The following BCOR variants were observed in gnomAD, a reference collection of about 807,000 sequenced individuals.
BCOR encodes the protein BCL-6 corepressor.
A neutral mutation model predicts 86.7 loss-of-function variants in BCOR; 10 were observed. That is an observed-to-expected ratio of 0.12 (90% CI 0.07 to 0.20). The LOEUF is 0.20. BCOR is among the 10% of genes least tolerant of loss of function. The pLI is 1.00. For synonymous variants in BCOR, 611 were observed against 609.0 expected (o/e 1.00, Z -0.05); for missense variants, 1,259 against 1,452.1 (o/e 0.87, Z 2.16).
chrX:40,104,412 C>T (rs991409648), intron 1 of BCOR, among the ~76,000 whole-genome samples: 1 of 112,183 alleles, frequency 8.9e-6, no homozygotes, highest in African/African-American at 3.2e-5. Context: ...TTTTAGAAAT[C>T]CTTCTTTCCG....
chrX:40,166,432 T>C, intron 1 of BCOR, among the ~76,000 whole-genome samples: 1 of 112,251 alleles, frequency 8.9e-6, no homozygotes, highest in Non-Finnish European at 1.9e-5. Flanking sequence ...TGTCCTTCCT[T>C]AAGACAGACA....
chrX:40,139,593 C>T (rs2147951419), intron 1 of BCOR, among the ~76,000 whole-genome samples: 1 of 91,434 alleles, frequency 1.1e-5, no homozygotes, highest in South Asian at 5.6e-4. Context: ...GGGTGGATCA[C>T]GAGGTCAGGA....
chrX:40,132,019 A>G (rs921183701), intron 1 of BCOR, among the ~76,000 whole-genome samples: 2 of 112,052 alleles, frequency 1.8e-5, no homozygotes, highest in African/African-American at 6.5e-5. Flanking sequence ...CAAAGGCAGA[A>G]GAAGCCATGC....
intron 1 of BCOR, among the ~76,000 whole-genome samples, chrX:40,133,453 CT>C (rs757749262): frequency 0.11 from 9,494 of 85,450 alleles, 445 homozygotes; most frequent in African/African-American, 0.14. Flanking sequence ...TCAATTTCAA[CT>C]TTTTTTTTTT....
intron 1 of BCOR, among the ~76,000 whole-genome samples, chrX:40,122,803 G>A (rs1937506289): frequency 9.0e-6 from 1 of 111,598 alleles, no homozygotes. Context: ...CCAAGGGAGA[G>A]ATGTTTTCTA....
chrX:40,123,344 C>G (rs1937511639), intron 1 of BCOR, among the ~76,000 whole-genome samples: 1 of 101,537 alleles, frequency 9.8e-6, no homozygotes, highest in African/African-American at 4.1e-5. Flanking sequence ...AGGGGTACAG[C>G]AGTCACTTAA....
chrX:40,064,548 T>A lies in BCOR; in HGVS notation c.3290A>T (p.Asp1097Val). 1 of 1,211,758 alleles carries A rather than the reference T, an allele frequency of 8.3e-7. No homozygotes were observed. Among genetic ancestry groups the A allele is most frequent in the Non-Finnish European group, 1.1e-6 (1 of 895,388 alleles). ...KHRDPFEAPEDKDLPVEKYFV... is the reference protein window; with the variant it reads ...KHRDPFEAPEVKDLPVEKYFV... The stretch of plus-strand genomic sequence containing the variant: ...GTACTTCTCCACAGGAAGATCTTTG[T>A]CCTCTGGGGCTTCAAAGGGATCACG... The change falls in exon 7 of 15, where the codon GAC becomes GTC. Residue 1097 changes from aspartate (D) to valine (V), a missense_variant. Physicochemically the swap from Asp to Val is radical, Grantham distance 152. Transcript: ENST00000378444.
intron 1 of BCOR, among the ~76,000 whole-genome samples, chrX:40,139,051 T>C (rs773360606): frequency 9.2e-6 from 1 of 108,946 alleles, no homozygotes; most frequent in South Asian, 4.0e-4. Context: ...AACTACGACA[T>C]AGTCTTCGCT....
chrX:40,081,919 A>G (rs1936123080), intron 1 of BCOR, among the ~76,000 whole-genome samples: 1 of 112,568 alleles, frequency 8.9e-6, no homozygotes, highest in South Asian at 3.6e-4. Flanking sequence ...TGTGAGAAGC[A>G]GGCGTGCACA....
In BCOR at chrX:40,057,287, C is replaced by T; in HGVS notation, c.4463G>A (p.Cys1488Tyr). The T allele has an allele frequency of 8.3e-7, 1 of 1,211,801 alleles. No individual in the cohort carries two copies. Among genetic ancestry groups the T allele is most frequent in the South Asian group, 1.8e-5 (1 of 56,915 alleles). The change falls in exon 11 of 15, where the codon TGT becomes TAT. Residue 1488 changes from cysteine (C) to tyrosine (Y), a missense_variant. This residue lies in a region of BCOR where 47 missense variants were observed against 102.1 expected (regional missense o/e 0.46). Transcript: ENST00000378444. ...TGCGTTGTCCCGATGATTTACATCA[C>T]AAATCTTGTTCTCTAAGCAGTACAG... is the stretch of plus-strand genomic sequence containing the variant. ...VVLYCLENKI[C>Y]DVNHRDNAGY...
intron 1 of BCOR, among the ~76,000 whole-genome samples, chrX:40,090,620 G>A (rs1936565786): frequency 9.0e-6 from 1 of 111,544 alleles, no homozygotes; most frequent in Admixed American, 9.3e-5. Flanking sequence ...AGCGATCGCC[G>A]TCCAGCCAAG....
chrX:40,100,382 G>A (rs1310883747), upstream of BCOR, among the ~76,000 whole-genome samples: 2 of 112,086 alleles, frequency 1.8e-5, no homozygotes, highest in South Asian at 3.7e-4. Flanking sequence ...CTGGCCCGGC[G>A]CCCAGCCACC....
chrX:40,165,438 T>C (rs1375542105), intron 1 of BCOR, among the ~76,000 whole-genome samples: 1 of 112,252 alleles, frequency 8.9e-6, no homozygotes, highest in African/African-American at 3.2e-5. Context: ...TCCAGCAGCC[T>C]GGTCCGCAGT....
At chrX:40,069,592 G>A (rs1373503636) in intron 6 of BCOR, among the ~76,000 whole-genome samples, 1 of 112,256 alleles carries the variant, frequency 8.9e-6, no homozygotes, top group Non-Finnish European at 1.9e-5. Context: ...GAACAAAGAG[G>A]GATTCTTATG....
chrX:40,175,202 C>T (rs770405073), intron 1 of BCOR, among the ~76,000 whole-genome samples: 8 of 113,243 alleles, frequency 7.1e-5, no homozygotes, highest in South Asian at 3.6e-4. Flanking sequence ...GGGCTCAGCA[C>T]GGATCGTTGG....
Position 40,152,791 on chromosome X carries a change from C to T in BCOR, c.-41+24216G>A, listed in dbSNP as rs748056171. Among the ~76,000 whole-genome samples the T allele has an allele frequency of 4.4e-5, 5 of 112,712 alleles. No individual in the cohort carries two copies. In the East Asian group the frequency reaches 1.4e-3, roughly 32 times the overall value. On this transcript the variant is annotated intron_variant, in intron 1 of 14. Coordinates refer to the BCOR transcript ENST00000342274. ...GCTTTGTTCCGGAAAACAAGGGAAGCATTAGGCGGCTGCCCCCGGGGAAAC... is the reference window on the plus strand; with the variant it reads ...GCTTTGTTCCGGAAAACAAGGGAAGTATTAGGCGGCTGCCCCCGGGGAAAC...
intron 1 of BCOR, among the ~76,000 whole-genome samples, chrX:40,085,011 A>C (rs1936291411): frequency 1.8e-5 from 2 of 111,351 alleles, no homozygotes; most frequent in Non-Finnish European, 3.8e-5. Flanking sequence ...GCCATGGAAC[A>C]ACTATGGTAT....
intron 1 of BCOR, among the ~76,000 whole-genome samples, chrX:40,166,902 C>T (rs1938517200): frequency 9.0e-6 from 1 of 111,668 alleles, no homozygotes; most frequent in South Asian, 3.8e-4. Context: ...AACTCTCCAA[C>T]TCTCTGAGGC....
At chrX:40,060,369 C>T (rs1023070987) in intron 10 of BCOR, among the ~76,000 whole-genome samples, 3 of 112,343 alleles carry the variant, frequency 2.7e-5, no homozygotes, top group African/African-American at 9.7e-5. Flanking sequence ...GCACCAAAGG[C>T]CTGGTAGCCT....
Sources: allele counts gnomAD v4.1 joint callset (sites outside exome capture counted in the v4.1 genomes callset), GRCh38; gene constraint gnomAD v4.1.1; regional missense constraint gnomAD v4.1.1; transcripts MANE v1.5; gene names NCBI Gene and HGNC (gene_info 2026-07-23, HGNC 2026-07-21).